Variants in COL19A1 observed in about 807,000 individuals in gnomAD.
COL19A1 encodes the protein collagen type XIX alpha 1 chain.
COL19A1 carries 159 observed loss-of-function variants against 190.2 expected under a neutral mutation model. That is an observed-to-expected ratio of 0.84 (90% CI 0.73 to 0.95). The LOEUF (loss-of-function observed/expected upper bound fraction) is 0.95, where lower values mean the gene tolerates loss of function less well. COL19A1 is among the 40% of genes least tolerant of loss of function. The pLI is 0.00. For synonymous variants in COL19A1, 509 were observed against 458.9 expected, an observed-to-expected ratio of 1.11 and a Z score of -1.39; for missense variants, 1,418 against 1,431.9, an observed-to-expected ratio of 0.99 and a Z score of 0.16.
At chr6:70,183,925 G>T (rs1766339743) in intron 44 of COL19A1, among the ~76,000 whole-genome samples, 1 of 152,096 alleles carries the variant, frequency 6.6e-6, no homozygotes, top group African/African-American at 2.4e-5. Context: ...TGGGCCCTGG[G>T]TATTTGATTT....
intron 25 of COL19A1, among the ~76,000 whole-genome samples, chr6:70,146,421 A>G (rs1405487428): frequency 6.6e-6 from 1 of 152,082 alleles, no homozygotes; most frequent in African/African-American, 2.4e-5. Flanking sequence ...GTATTAAATA[A>G]TAATAATATT....
intron 15 of COL19A1, among the ~76,000 whole-genome samples, chr6:70,070,589 T>C (rs1582836789): frequency 6.6e-6 from 1 of 152,272 alleles, no homozygotes; most frequent in East Asian, 1.9e-4. Flanking sequence ...TATATCCATA[T>C]ATGCTCAGTG....
intron 17 of COL19A1, among the ~76,000 whole-genome samples, chr6:70,126,811 T>C (rs737330): frequency 0.18 from 28,061 of 152,170 alleles, 2,786 homozygotes; most frequent in Non-Finnish European, 0.22. Context: ...AGGAATATCT[T>C]CCAGGTCTCT....
chr6:70,096,145 C>A (rs1419732613), intron 15 of COL19A1, among the ~76,000 whole-genome samples: 1 of 150,162 alleles, frequency 6.7e-6, no homozygotes, highest in African/African-American at 2.5e-5. Context: ...GCAGTGGTGC[C>A]TTCTCAGCTT....
Position 70,146,450 on chromosome 6 carries a change from C to T in COL19A1, c.1771-209C>T, listed in dbSNP as rs189378050. ...TAATATTTCTCAATATCAGGTGCCT[C>T]ATTTTATAAATAAAAATATTTTATA... is the stretch of plus-strand genomic sequence containing the variant. On this transcript the variant is annotated intron_variant, in intron 25 of 50. Transcript: ENST00000620364. Among the ~76,000 whole-genome samples the T allele has an allele frequency of 1.4e-4, 21 of 152,060 alleles. No homozygotes were observed. The East Asian group carries it at 3.9e-3, about 28-fold the overall frequency.
intron 40 of COL19A1, among the ~76,000 whole-genome samples, chr6:70,169,218 T>G (rs1430767023): frequency 6.6e-6 from 1 of 152,302 alleles, no homozygotes; most frequent in East Asian, 1.9e-4. Flanking sequence ...TCCAGCCGCC[T>G]AAAGGACGAT....
chr6:69,867,093 CT>C (rs3044170), intron 1 of COL19A1, among the ~76,000 whole-genome samples: 17,847 of 140,902 alleles, frequency 0.13, 1,098 homozygotes, highest in Middle Eastern at 0.18. Flanking sequence ...CGTTAGAGCG[CT>C]TTTTTTTTTT....
chr6:70,210,432 T>G lies in COL19A1; in HGVS notation c.*3158T>G, dbSNP rs1326371629. 6.6e-6 allele frequency among the ~76,000 whole-genome samples: 1 copy of G among 152,208 alleles called. No homozygotes were observed. On this transcript the variant is annotated 3_prime_UTR_variant, in exon 51 of 51. Transcript: ENST00000620364. ...TTTTAACCTTTTAAACTTTTCACTT[T>G]GTGAGCAAAGTAACCCCATAAGTTT... is the stretch of plus-strand genomic sequence containing the variant.
chr6:69,932,033 C>G (rs1390495967), intron 6 of COL19A1, among the ~76,000 whole-genome samples: 3 of 151,872 alleles, frequency 2.0e-5, no homozygotes, highest in African/African-American at 4.8e-5. Flanking sequence ...TTCAAACAGC[C>G]TATTTAAGAA....
intron 44 of COL19A1, among the ~76,000 whole-genome samples, chr6:70,181,713 T>C (rs1766189491): frequency 6.8e-6 from 1 of 146,272 alleles, no homozygotes; most frequent in South Asian, 2.2e-4. Flanking sequence ...ATAAGTAGAG[T>C]AAAGCTCTGG....
At chr6:70,179,147 C>G (rs887983877) in intron 42 of COL19A1, among the ~76,000 whole-genome samples, 1 of 152,200 alleles carries the variant, frequency 6.6e-6, no homozygotes, top group Non-Finnish European at 1.5e-5. Context: ...CCCAGGGATG[C>G]TCTCTCTAAC....
chr6:70,035,926 C>A lies in COL19A1; in HGVS notation c.1157C>A (p.Pro386Gln), dbSNP rs796151973. The stretch of plus-strand genomic sequence containing the variant: ...TAGGGAGATACAGGACCCCCAGGAC[C>A]ACCAGCCTTACCTGTAAGTATTCTT... ...GEKGDTGPPG[P>Q]PALPGSLGIQ... Residue 386 changes from proline to glutamine, a missense_variant, in exon 14 of 51, where the codon CCA becomes CAA. Physicochemically the swap from Pro to Gln is moderately conservative, Grantham distance 76. Transcript: ENST00000620364. 6 of 1,613,362 alleles carry A rather than the reference C, an allele frequency of 3.7e-6. No individual in the cohort carries two copies. The highest frequency in any genetic ancestry group is 5.1e-6 in the Non-Finnish European group (6 of 1,179,410).
At chr6:70,054,025 A>T (rs1300232244) in intron 14 of COL19A1, among the ~76,000 whole-genome samples, 3 of 152,178 alleles carry the variant, frequency 2.0e-5, no homozygotes, top group African/African-American at 7.2e-5. Flanking sequence ...TGTCACCAAT[A>T]AGTACAAATT....
At chr6:69,959,958 T>G in intron 9 of COL19A1, 38 bp from the exon 10 acceptor site, 1 of 1,597,182 alleles carries the variant, frequency 6.3e-7, no homozygotes, top group Non-Finnish European at 8.5e-7. Context: ...TCATATATCT[T>G]TATGGATCAT....
intron 9 of COL19A1, among the ~76,000 whole-genome samples, chr6:69,959,354 T>C (rs1774629804): frequency 6.6e-6 from 1 of 152,102 alleles, no homozygotes; most frequent in Non-Finnish European, 1.5e-5. Flanking sequence ...AACATGCTTG[T>C]ACATATATAA....
chr6:69,868,559 A>C (rs997414796), intron 1 of COL19A1, among the ~76,000 whole-genome samples: 4 of 152,172 alleles, frequency 2.6e-5, no homozygotes, highest in African/African-American at 9.7e-5. Flanking sequence ...AAGGGACCTA[A>C]ATGGGGTTTC....
At chr6:69,921,209 A>G (rs935731125) in intron 4 of COL19A1, among the ~76,000 whole-genome samples, 3 of 131,622 alleles carry the variant, frequency 2.3e-5, no homozygotes, top group African/African-American at 8.3e-5. Flanking sequence ...ACATATATTC[A>G]TATATAATAT....
intron 41 of COL19A1, 51 bp downstream of exon 41, chr6:70,172,068 T>G (rs1188909713): frequency 6.4e-7 from 1 of 1,567,244 alleles, no homozygotes; most frequent in East Asian, 2.3e-5. Flanking sequence ...TCAAAATTGT[T>G]TACTGAGCAC....
intron 31 of COL19A1, among the ~76,000 whole-genome samples, chr6:70,152,018 T>A (rs1787093653): frequency 3.4e-5 from 2 of 59,592 alleles, no homozygotes; most frequent in South Asian, 1.0e-3. Context: ...TCTTGCTACC[T>A]CTTTTTTTTT....
Sources: gnomAD v4.1 joint callset for allele counts (sites outside exome capture counted in the v4.1 genomes callset) on GRCh38, gnomAD v4.1.1 for gene constraint, MANE v1.5 for transcripts, NCBI Gene and HGNC (gene_info 2026-07-23, HGNC 2026-07-21) for gene names.